The following VRK2 variants were observed in gnomAD, a reference collection of about 807,000 sequenced individuals.
VRK2 encodes serine/threonine-protein kinase VRK2.
In VRK2, 60 loss-of-function variants were observed where a neutral mutation model predicts 57.6. The observed-to-expected ratio is 1.04, with a 90% confidence interval of 0.85 to 1.29. VRK2 has a LOEUF of 1.29. VRK2 is among the 50% of genes most tolerant of loss of function. The pLI, the probability that VRK2 is intolerant of heterozygous loss-of-function variation, is 0.00. For synonymous variants in VRK2, 231 were observed against 199.2 expected (o/e 1.16, Z -1.35); for missense variants, 705 against 588.1 (o/e 1.20, Z -2.06).
intron 10 of VRK2, among the ~76,000 whole-genome samples, chr2:58,136,931 T>C (rs949337028): frequency 3.0e-5 from 4 of 135,256 alleles, no homozygotes; most frequent in Non-Finnish European, 4.6e-5. Flanking sequence ...TGTGTATATA[T>C]CATATATATT....
intron 1 of VRK2, among the ~76,000 whole-genome samples, chr2:57,990,099 G>T (rs1672716256): frequency 6.6e-6 from 1 of 152,128 alleles, no homozygotes; most frequent in Non-Finnish European, 1.5e-5. Flanking sequence ...ATAAAAATAG[G>T]TCACATTGTT....
chr2:57,946,369 G>A (rs949537478), intron 1 of VRK2, among the ~76,000 whole-genome samples: 1 of 151,754 alleles, frequency 6.6e-6, no homozygotes, highest in Admixed American at 6.6e-5. Flanking sequence ...CATGCCACAA[G>A]CATTTGTAAC....
Position 58,021,782 on chromosome 2 carries a change from C to A in VRK2, c.-438-3883C>A, listed in dbSNP as rs902338138. 2.6e-5 allele frequency among the ~76,000 whole-genome samples: 4 copies of A among 152,232 alleles called. No individual in the cohort carries two copies. The East Asian group carries it at 7.7e-4, about 29-fold the overall frequency. ...TTTCCACATTATCACAATTGGCTAC[C>A]GAAACCTACATCTTCATTCCATTTT... On this transcript the variant is annotated intron_variant, in intron 1 of 15. Transcript: ENST00000417641.
At chr2:57,935,597 G>T (rs1670879737) in intron 1 of VRK2, among the ~76,000 whole-genome samples, 2 of 151,992 alleles carry the variant, frequency 1.3e-5, no homozygotes, top group South Asian at 4.2e-4. Flanking sequence ...AAAATTCATG[G>T]GCCAGCTTCC....
At chr2:58,043,202 A>C (rs1056617822), upstream of VRK2, among the ~76,000 whole-genome samples, 37 of 152,306 alleles carry the variant, frequency 2.4e-4, no homozygotes, top group Admixed American at 3.9e-4. Context: ...AGAACACTTA[A>C]CACTTCATGG....
chr2:57,973,603 A>G (rs1167185279), intron 1 of VRK2, among the ~76,000 whole-genome samples: 1 of 151,842 alleles, frequency 6.6e-6, no homozygotes, highest in Non-Finnish European at 1.5e-5. Flanking sequence ...AATAATAATT[A>G]TCTAGCAGCA....
chr2:57,949,077 C>CG (rs1671346447), intron 1 of VRK2, among the ~76,000 whole-genome samples: 1 of 28,188 alleles, frequency 3.5e-5, no homozygotes, highest in Admixed American at 3.1e-4. Context: ...TGGTGGGGGA[C>CG]AGGGGGCGGG....
rs537605781 is a variant in VRK2 at position 57,945,612 on chromosome 2, T to A, written c.-439+37773T>A. Among the ~76,000 whole-genome samples the A allele has an allele frequency of 7.2e-5, 11 of 151,906 alleles. No homozygotes were observed. The East Asian group carries it at 1.6e-3, about 21-fold the overall frequency. ...CATGGTTTCAAAATAAATGAATATT[T>A]AAAAAAATGGCTTTTTAACTTTCTG... On this transcript the variant is annotated intron_variant, in intron 1 of 15. Coordinates refer to the VRK2 transcript ENST00000417641.
chr2:57,973,751 C>T (rs965108410), intron 1 of VRK2, among the ~76,000 whole-genome samples: 1 of 151,752 alleles, frequency 6.6e-6, no homozygotes, highest in Non-Finnish European at 1.5e-5. Flanking sequence ...GAAAGGACAA[C>T]TTCCTGAGAG....
intron 7 of VRK2, among the ~76,000 whole-genome samples, chr2:58,113,692 T>A (rs2104427198): frequency 6.6e-6 from 1 of 152,202 alleles, no homozygotes; most frequent in African/African-American, 2.4e-5. Context: ...ACACGGTTAA[T>A]CACTTAGTTA....
chr2:58,126,875 T>C (rs369189030), intron 8 of VRK2, among the ~76,000 whole-genome samples: 1 of 152,112 alleles, frequency 6.6e-6, no homozygotes, highest in South Asian at 2.1e-4. Flanking sequence ...TTAGTAATGT[T>C]AAAAAGCAAT....
chr2:58,013,041 G>A (rs1229226969), intron 1 of VRK2, among the ~76,000 whole-genome samples: 2 of 151,974 alleles, frequency 1.3e-5, no homozygotes, highest in Admixed American at 6.6e-5. Flanking sequence ...AAAGAGCAAC[G>A]TTTAAATTTT....
chr2:58,078,593 G>A (rs923538816), intron 2 of VRK2, among the ~76,000 whole-genome samples: 2 of 151,798 alleles, frequency 1.3e-5, no homozygotes, highest in African/African-American at 4.8e-5. Flanking sequence ...ATAGTGATGG[G>A]GTAATTTTAT....
chr2:57,966,913 C>T (rs1021587068), intron 1 of VRK2, among the ~76,000 whole-genome samples: 1 of 152,034 alleles, frequency 6.6e-6, no homozygotes, highest in Non-Finnish European at 1.5e-5. Flanking sequence ...AGTAGTGAAC[C>T]AGACAGTAGT....
chr2:58,009,675 T>A (rs1460151230), intron 1 of VRK2, among the ~76,000 whole-genome samples: 4 of 151,628 alleles, frequency 2.6e-5, no homozygotes, highest in African/African-American at 9.7e-5. Flanking sequence ...ATTCAACATA[T>A]CAGACCAGTT....
chr2:57,981,182 A>G (rs1303716941), intron 1 of VRK2, among the ~76,000 whole-genome samples: 3 of 152,284 alleles, frequency 2.0e-5, no homozygotes, highest in Admixed American at 6.5e-5. Context: ...TTGGTCTTTC[A>G]TTTCCATGTT....
At position 58,109,091 on chromosome 2, in the gene VRK2, C is replaced by T. The variant is rs556883454; in HGVS notation, c.544-14010C>T. 1.1e-3 allele frequency among the ~76,000 whole-genome samples: 172 copies of T among 152,028 alleles called. 1 individual carries two copies. Among genetic ancestry groups the T allele is most frequent in the African/African-American group, 4.0e-3 (165 of 41,482 alleles). On this transcript the variant is annotated intron_variant, in intron 7 of 12. Coordinates refer to ENST00000340157, the MANE Select transcript of VRK2 (RefSeq NM_006296.7). Reference sequence around the variant, plus strand: ...TATTTCCTGTTTATTATGCTTGGCACTCAGGTATCTGTTAAGCTTGGCACT... The same window carrying T: ...TATTTCCTGTTTATTATGCTTGGCATTCAGGTATCTGTTAAGCTTGGCACT...
chr2:58,048,602 GT>G (rs1028502055), intron 1 of VRK2: 1 of 1,465,418 alleles, frequency 6.8e-7, no homozygotes, highest in Admixed American at 2.1e-5. Context: ...GTTTGCTTCT[GT>G]TTTTTTAAAA....
intron 2 of VRK2, among the ~76,000 whole-genome samples, chr2:58,076,363 T>C (rs1670109695): frequency 6.6e-6 from 1 of 152,014 alleles, no homozygotes; most frequent in Non-Finnish European, 1.5e-5. Context: ...GGCAAAATCA[T>C]CTAACACAAA....
Sources: gnomAD v4.1 joint callset for allele counts (sites outside exome capture counted in the v4.1 genomes callset) on GRCh38, gnomAD v4.1.1 for gene constraint, MANE v1.5 for transcripts, NCBI Gene and HGNC (gene_info 2026-07-23, HGNC 2026-07-21) for gene names.